The following NEGR1 variants were observed in gnomAD, a reference collection of about 807,000 sequenced individuals.
NEGR1 encodes neuronal growth regulator 1.
In NEGR1, 10 loss-of-function variants were observed where a neutral mutation model predicts 40.9. The ratio of observed to expected loss-of-function variants is 0.24; its 90% CI spans 0.15 to 0.42. NEGR1 has a LOEUF of 0.42. Ranked by LOEUF, NEGR1 falls within the 10% of genes least tolerant of loss-of-function variation. The pLI is 1.00. For synonymous variants in NEGR1, 185 were observed against 166.8 expected (o/e 1.11, Z -0.84); for missense variants, 352 against 438.9 (o/e 0.80, Z 1.77).
At chr1:71,422,707 T>C (rs1437795909) in intron 6 of NEGR1, 2 of 152,102 alleles carry the variant, frequency 1.3e-5, no homozygotes, top group Admixed American at 6.5e-5. Context: ...ATAGAAAGGA[T>C]TTTGTAAGTG....
intron 4 of NEGR1, among the ~76,000 whole-genome samples, chr1:71,648,001 G>T (rs1298671512): frequency 6.6e-6 from 1 of 151,956 alleles, no homozygotes; most frequent in Non-Finnish European, 1.5e-5. Context: ...ATAGTGAAAA[G>T]CAATGGAGGA....
intron 2 of NEGR1, among the ~76,000 whole-genome samples, chr1:71,851,869 A>C (rs1659614599): frequency 6.6e-6 from 1 of 152,140 alleles, no homozygotes; most frequent in Non-Finnish European, 1.5e-5. Context: ...ACAGTTTTTG[A>C]GTTTAGACAA....
chr1:71,612,677 G>A (rs1285897189), intron 4 of NEGR1, among the ~76,000 whole-genome samples: 1 of 152,178 alleles, frequency 6.6e-6, no homozygotes, highest in Admixed American at 6.5e-5. Context: ...TACTATTTTC[G>A]ATAGGGTAAT....
At chr1:71,888,162 A>G (rs968548978) in intron 2 of NEGR1, among the ~76,000 whole-genome samples, 2 of 152,104 alleles carry the variant, frequency 1.3e-5, no homozygotes, top group East Asian at 3.9e-4. Flanking sequence ...CTTCTAACCT[A>G]TCTCTGAATA....
At chr1:72,235,204 T>C (rs1165206413) in intron 1 of NEGR1, among the ~76,000 whole-genome samples, 1 of 151,994 alleles carries the variant, frequency 6.6e-6, no homozygotes, top group Admixed American at 6.6e-5. Context: ...GACAGAAGAT[T>C]GTGAGTTAAC....
intron 1 of NEGR1, among the ~76,000 whole-genome samples, chr1:72,138,951 C>A (rs1459581033): frequency 2.0e-5 from 3 of 151,850 alleles, no homozygotes; most frequent in African/African-American, 7.2e-5. Flanking sequence ...TATTCTGGGT[C>A]ATAAAAATGT....
intron 6 of NEGR1, among the ~76,000 whole-genome samples, chr1:71,495,868 ATGTT>A: frequency 1.3e-5 from 2 of 152,326 alleles, no homozygotes; most frequent in Admixed American, 1.3e-4. Flanking sequence ...TTCTATCAAC[ATGTT>A]TTAAAGCACT....
Position 71,926,759 on chromosome 1 carries a change from A to G in NEGR1, c.409+8320T>C, listed in dbSNP as rs568342646. On this transcript the variant is annotated intron_variant, in intron 2 of 6. Coordinates refer to ENST00000357731, the MANE Select transcript of NEGR1 (RefSeq NM_173808.3). ...AGTAATTCCCTTTGTGTAGAGTAAG[A>G]AGTGCATTATGGATTTTGGCACAGT... 6.6e-5 allele frequency among the ~76,000 whole-genome samples: 10 copies of G among 152,208 alleles called. No individual in the cohort carries two copies. The East Asian group carries it at 1.9e-3, about 29-fold the overall frequency.
At chr1:71,431,991 C>T (rs921398685) in intron 6 of NEGR1, among the ~76,000 whole-genome samples, 2 of 152,024 alleles carry the variant, frequency 1.3e-5, no homozygotes, top group African/African-American at 4.8e-5. Flanking sequence ...TCAAAAGCAA[C>T]AATGAAACCA....
intron 2 of NEGR1, among the ~76,000 whole-genome samples, chr1:71,784,395 A>G (rs139483754): frequency 9.9e-4 from 150 of 152,168 alleles, no homozygotes; most frequent in African/African-American, 3.3e-3. Flanking sequence ...TCAAGGGACT[A>G]ATGTTAAAAT....
intron 4 of NEGR1, among the ~76,000 whole-genome samples, chr1:71,692,279 TGTTA>T (rs1241516827): frequency 1.3e-5 from 2 of 151,544 alleles, no homozygotes; most frequent in Non-Finnish European, 3.0e-5. Context: ...TCCAAATAAG[TGTTA>T]ATTAGCTTAA....
chr1:71,661,543 C>T (rs1055817816), intron 4 of NEGR1, among the ~76,000 whole-genome samples: 1 of 152,146 alleles, frequency 6.6e-6, no homozygotes, highest in Non-Finnish European at 1.5e-5. Flanking sequence ...AATTTACTGG[C>T]TTTCTACCAT....
chr1:71,744,862 A>G (rs1215345860), intron 3 of NEGR1, among the ~76,000 whole-genome samples: 1 of 152,222 alleles, frequency 6.6e-6, no homozygotes. Context: ...CTTTACAAAG[A>G]AATAGTTTTA....
At chr1:71,564,819 T>C (rs891861684) in intron 6 of NEGR1, among the ~76,000 whole-genome samples, 7 of 152,246 alleles carry the variant, frequency 4.6e-5, no homozygotes, top group Admixed American at 1.3e-4. Context: ...GACTCAGCTA[T>C]AAAAAGATTT....
At chr1:72,265,585 T>C (rs1215926505) in intron 1 of NEGR1, among the ~76,000 whole-genome samples, 1 of 150,788 alleles carries the variant, frequency 6.6e-6, no homozygotes, top group Non-Finnish European at 1.5e-5. Context: ...CACTAAATGG[T>C]AATATACCCT....
At chr1:71,998,341 A>T (rs1646523662) in intron 1 of NEGR1, among the ~76,000 whole-genome samples, 1 of 151,958 alleles carries the variant, frequency 6.6e-6, no homozygotes, top group Non-Finnish European at 1.5e-5. Context: ...TTCAGGCAGG[A>T]GGCTTTTTCA....
intron 4 of NEGR1, among the ~76,000 whole-genome samples, chr1:71,675,142 A>ATATATATATATATATATAT (rs1652582384): frequency 1.4e-4 from 1 of 7,342 alleles, no homozygotes; most frequent in Non-Finnish European, 6.3e-4. Context: ...CACACATATG[A>ATATATATATATATATATAT]ATTCTTAGAA....
chr1:71,652,103 G>A (rs1271897544), intron 4 of NEGR1, among the ~76,000 whole-genome samples: 1 of 152,094 alleles, frequency 6.6e-6, no homozygotes, highest in Non-Finnish European at 1.5e-5. Flanking sequence ...ACCCATAAAT[G>A]AGCATATTAA....
intron 1 of NEGR1, among the ~76,000 whole-genome samples, chr1:72,189,765 T>C (rs1465117311): frequency 6.6e-6 from 1 of 151,602 alleles, no homozygotes; most frequent in Non-Finnish European, 1.5e-5. Context: ...GATATAGTAA[T>C]AACCAGGCAC....
Sources: allele counts gnomAD v4.1 joint callset (sites outside exome capture counted in the v4.1 genomes callset), GRCh38; gene constraint gnomAD v4.1.1; transcripts MANE v1.5; gene names NCBI Gene and HGNC (gene_info 2026-07-23, HGNC 2026-07-21).